Variants in KCTD16 observed in about 807,000 individuals in gnomAD.
The protein encoded by KCTD16 is BTB/POZ domain-containing protein KCTD16.
A neutral mutation model predicts 33.2 loss-of-function variants in KCTD16; 13 were observed. The observed-to-expected ratio is 0.39, with a 90% confidence interval of 0.25 to 0.62. KCTD16 has a LOEUF of 0.62. Among genes scored for constraint, KCTD16 ranks in the 20% least tolerant of loss-of-function variants. The probability of loss-of-function intolerance (pLI) is 0.50; values close to 1 mark genes in which losing one functional copy is unlikely to be tolerated. For missense variants in KCTD16, 441 were observed against 525.1 expected, an observed-to-expected ratio of 0.84 and a Z score of 1.57; for synonymous variants, 197 against 195.3, an observed-to-expected ratio of 1.01 and a Z score of -0.07.
intron 3 of KCTD16, among the ~76,000 whole-genome samples, chr5:144,414,486 T>TA (rs1287379436): frequency 6.6e-6 from 1 of 152,196 alleles, no homozygotes; most frequent in Non-Finnish European, 1.5e-5. Flanking sequence ...ATCCTTACTT[T>TA]ATGGGCTTAG....
chr5:144,280,782 C>T (rs1057327456), intron 3 of KCTD16, among the ~76,000 whole-genome samples: 1 of 152,086 alleles, frequency 6.6e-6, no homozygotes, highest in Admixed American at 6.5e-5. Flanking sequence ...AAAAAATTAG[C>T]TGGGCGTGAT....
chr5:144,416,661 C>A (rs986324378), intron 3 of KCTD16, among the ~76,000 whole-genome samples: 1 of 152,062 alleles, frequency 6.6e-6, no homozygotes, highest in Non-Finnish European at 1.5e-5. Context: ...TTATAGCAAA[C>A]AATTCAGTGG....
At chr5:144,294,155 TCAAA>T (rs34249885) in intron 3 of KCTD16, among the ~76,000 whole-genome samples, 6 of 151,876 alleles carry the variant, frequency 4.0e-5, no homozygotes, top group African/African-American at 1.4e-4. Context: ...TGAGACTCTG[TCAAA>T]CAAACAAACA....
intron 3 of KCTD16, among the ~76,000 whole-genome samples, chr5:144,305,584 G>T (rs1368483067): frequency 6.6e-6 from 1 of 152,132 alleles, no homozygotes; most frequent in East Asian, 1.9e-4. Flanking sequence ...GGGAGGCCGA[G>T]GTGGGTGGAT....
intron 3 of KCTD16, among the ~76,000 whole-genome samples, chr5:144,288,387 T>A (rs961020249): frequency 1.3e-5 from 2 of 152,078 alleles, no homozygotes; most frequent in African/African-American, 4.8e-5. Context: ...CCCTGTTAGA[T>A]GAGATGTGGG....
intron 1 of KCTD16, among the ~76,000 whole-genome samples, chr5:144,171,461 A>G (rs971915337): frequency 6.6e-6 from 1 of 152,212 alleles, no homozygotes; most frequent in East Asian, 1.9e-4. Context: ...GAACTTCAGC[A>G]TTATTAACAT....
At chr5:144,430,854 C>G (rs1228293206) in intron 3 of KCTD16, among the ~76,000 whole-genome samples, 1 of 152,108 alleles carries the variant, frequency 6.6e-6, no homozygotes, top group African/African-American at 2.4e-5. Context: ...AATGAGTTTT[C>G]TGCACATTGC....
intron 3 of KCTD16, among the ~76,000 whole-genome samples, chr5:144,352,132 C>T (rs1751455512): frequency 6.6e-6 from 1 of 152,160 alleles, no homozygotes; most frequent in Non-Finnish European, 1.5e-5. Context: ...ATGTTGTATA[C>T]ATCACTATAT....
chr5:144,299,094 A>ATTTTTTTT (rs1561558328), intron 3 of KCTD16, among the ~76,000 whole-genome samples: 2 of 16,560 alleles, frequency 1.2e-4, no homozygotes, highest in Non-Finnish European at 2.4e-4. Flanking sequence ...ATATATCACT[A>ATTTTTTTT]TGTATATATA....
intron 3 of KCTD16, among the ~76,000 whole-genome samples, chr5:144,309,364 C>T (rs1160555145): frequency 1.4e-5 from 2 of 146,372 alleles, no homozygotes; most frequent in African/African-American, 5.4e-5. Flanking sequence ...ATCTCCTCCA[C>T]ATTTTTTTTT....
At position 144,377,227 on chromosome 5, in the gene KCTD16, T is replaced by G. The variant is rs935970345; in HGVS notation, c.833-96433T>G. Among the ~76,000 whole-genome samples, 5 of 152,162 alleles carry G rather than the reference T, an allele frequency of 3.3e-5. No homozygotes were observed. In the East Asian group the frequency reaches 9.6e-4, roughly 29 times the overall value. On this transcript the variant is annotated intron_variant, in intron 3 of 3. Coordinates refer to ENST00000512467, the MANE Select transcript of KCTD16 (RefSeq NM_020768.4). ...TTTCTCTTGGGGTTCCTTGATCATC[T>G]TAACTATAACATTTTCAAATACATA...
In KCTD16 at chr5:144,190,596, C is replaced by G. The variant is rs560958312; in HGVS notation, c.-326-15793C>G. 1.5e-4 allele frequency among the ~76,000 whole-genome samples: 23 copies of G among 152,230 alleles called. No individual in the cohort carries two copies. In the South Asian group the frequency reaches 2.5e-3, roughly 16 times the overall value. ...AAATTCCTTTCTTTACTATAGTTCA[C>G]CTGACTGGAAAAAGCCTTTTTTAGC... On this transcript the variant is annotated intron_variant, in intron 2 of 3. Transcript: ENST00000512467.
chr5:144,335,017 C>T (rs929483979), intron 3 of KCTD16, among the ~76,000 whole-genome samples: 7 of 151,998 alleles, frequency 4.6e-5, no homozygotes, highest in African/African-American at 1.5e-4. Context: ...TGAGCTCAAA[C>T]GATTCCCCTG....
intron 3 of KCTD16, among the ~76,000 whole-genome samples, chr5:144,294,779 C>T (rs1162146477): frequency 6.6e-6 from 1 of 152,120 alleles, no homozygotes; most frequent in Non-Finnish European, 1.5e-5. Flanking sequence ...CCCCTCCAGA[C>T]CTTTATCAGT....
intron 3 of KCTD16, among the ~76,000 whole-genome samples, chr5:144,467,085 T>TTATATATA: frequency 7.6e-6 from 1 of 131,910 alleles, no homozygotes; most frequent in South Asian, 2.2e-4. Flanking sequence ...ATATATAGTG[T>TTATATATA]TATATATATT....
intron 3 of KCTD16, among the ~76,000 whole-genome samples, chr5:144,353,630 T>A (rs1394673346): frequency 6.6e-6 from 1 of 152,202 alleles, no homozygotes; most frequent in African/African-American, 2.4e-5. Context: ...TGTATTCCTG[T>A]CCATGTGAAG....
chr5:144,202,472 A>G (rs1038420143), intron 2 of KCTD16, among the ~76,000 whole-genome samples: 1 of 152,148 alleles, frequency 6.6e-6, no homozygotes, highest in African/African-American at 2.4e-5. Flanking sequence ...CCTGAGACTA[A>G]AGAAACAAGA....
intron 2 of KCTD16, among the ~76,000 whole-genome samples, chr5:144,204,611 A>G (rs1236199168): frequency 1.3e-5 from 2 of 151,998 alleles, no homozygotes; most frequent in Non-Finnish European, 2.9e-5. Context: ...TAAGGAAACA[A>G]CCCCAGAAAA....
rs1754548492 is a variant in KCTD16, at chr5:144,474,332, T to TA, written c.*218_*219insA. ...TAGATGTGGAAGTACAAGAAAATCT[T>TA]TTTTAGTTATTTGTTTGTTTACTTC... On this transcript the variant is annotated 3_prime_UTR_variant, in exon 4 of 4. Coordinates refer to ENST00000512467, the MANE Select transcript of KCTD16 (RefSeq NM_020768.4). 2 of 496,202 alleles carry TA rather than the reference T, an allele frequency of 4.0e-6. No homozygotes were observed. The highest frequency in any genetic ancestry group is 7.1e-6 in the Non-Finnish European group (2 of 280,510). The allele number at this position is 496,202 out of a possible 1,614,324, so 30.7% of individuals were successfully genotyped here.
Sources: gnomAD v4.1 joint callset for allele counts (sites outside exome capture counted in the v4.1 genomes callset) on GRCh38, gnomAD v4.1.1 for gene constraint, MANE v1.5 for transcripts, NCBI Gene and HGNC (gene_info 2026-07-23, HGNC 2026-07-21) for gene names.